Variants in R3HDM2 observed in about 807,000 individuals in gnomAD.
The protein encoded by R3HDM2 is R3H domain containing 2, also known as R3H domain-containing protein 2.
R3HDM2 carries 38 observed loss-of-function variants against 124.5 expected under a neutral mutation model. The ratio of observed to expected loss-of-function variants is 0.31; its 90% CI spans 0.24 to 0.40. R3HDM2 has a LOEUF of 0.40. Among genes scored for constraint, R3HDM2 ranks in the 10% least tolerant of loss-of-function variants. The pLI is 1.00. For missense variants in R3HDM2, 869 were observed against 1,236.9 expected, an observed-to-expected ratio of 0.70 and a Z score of 4.46; for synonymous variants, 391 against 448.0, an observed-to-expected ratio of 0.87 and a Z score of 1.61.
chr12:57,286,073 A>T (rs1029249979), intron 12 of R3HDM2, among the ~76,000 whole-genome samples: 1 of 152,160 alleles, frequency 6.6e-6, no homozygotes, highest in African/African-American at 2.4e-5. Context: ...AAATAAAAAT[A>T]ATTAGGGAAT....
chr12:57,298,278 A>G, intron 6 of R3HDM2, 110 bp from the exon 7 acceptor site: 3 of 817,100 alleles, frequency 3.7e-6, no homozygotes, highest in Non-Finnish European at 5.8e-6. Context: ...ATAGGAAAGC[A>G]AAATCAAACT....
chr12:57,364,692 C>G (rs112189565), intron 2 of R3HDM2, among the ~76,000 whole-genome samples: 1 of 150,736 alleles, frequency 6.6e-6, no homozygotes, highest in Non-Finnish European at 1.5e-5. Context: ...CAGTGGCTCA[C>G]GCCTGTAATC....
chr12:57,336,488 A>G (rs1372095876), intron 2 of R3HDM2, among the ~76,000 whole-genome samples: 1 of 152,202 alleles, frequency 6.6e-6, no homozygotes, highest in Non-Finnish European at 1.5e-5. Context: ...CAGCCATAAA[A>G]AAGAATGAGA....
chr12:57,269,356 C>T lies in R3HDM2; in HGVS notation c.1681G>A (p.Gly561Ser). ...TGGGATGGCTGAGGCAGCTGCTGAC[C>T]ACGTTGGGGGCTATAGGCCACCGGG... ...SHPVAYSPQR[G>S]QQLPQPSQQP... The change falls in exon 16 of 24, where the codon GGT (glycine) becomes AGT (serine). Residue 561 changes from glycine (G) to serine (S), a missense_variant. Physicochemically the swap from Gly to Ser is moderately conservative, Grantham distance 56 (BLOSUM62 0). Transcript: ENST00000402412. The T allele has an allele frequency of 6.2e-7, 1 of 1,614,062 alleles. No individual in the cohort carries two copies. The highest frequency in any genetic ancestry group is 1.1e-5 in the South Asian group (1 of 91,066).
Position 57,266,807 on chromosome 12 carries a change from G to A in R3HDM2, c.2055C>T (p.Pro685=). ...GTSPSVGFLQ[P]PGSEQYQMPQ... ...GCATCTGGTACTGCTCAGAGCCAGG[G>A]GGTTGCAGAAACCCTACAGAAGGGC... Residue 685 remains proline (P), a synonymous_variant, in exon 19 of 24, where the codon CCC becomes CCT. Coordinates refer to ENST00000402412, the MANE Select transcript of R3HDM2 (RefSeq NM_001394031.1). 6.2e-7 allele frequency: 1 copy of A among 1,608,924 alleles called. No homozygotes were observed.
intron 3 of R3HDM2, among the ~76,000 whole-genome samples, chr12:57,309,480 C>T (rs973598898): frequency 1.6e-4 from 24 of 152,254 alleles, no homozygotes; most frequent in Non-Finnish European, 2.4e-4. Flanking sequence ...TACTACAGTA[C>T]GAATTTGGAT....
At chr12:57,308,276 G>C (rs1039616126) in intron 3 of R3HDM2, among the ~76,000 whole-genome samples, 4 of 151,412 alleles carry the variant, frequency 2.6e-5, no homozygotes, top group African/African-American at 9.7e-5. Context: ...GGCCGATCTT[G>C]AACTCCCGAC....
intron 3 of R3HDM2, 127 bp downstream of exon 3, chr12:57,310,137 G>T: frequency 1.8e-6 from 1 of 571,310 alleles, no homozygotes; most frequent in Admixed American, 3.9e-5. Context: ...CTTGATGCAG[G>T]AGTTTGAGGG....
intron 14 of R3HDM2, among the ~76,000 whole-genome samples, chr12:57,279,906 A>T (rs1319983069): frequency 6.6e-6 from 1 of 152,036 alleles, no homozygotes. Context: ...AGGGGTCTTG[A>T]GTGTTATTTC....
At position 57,296,644 on chromosome 12, in the gene R3HDM2, AG is replaced by A; in HGVS notation, c.561-94del. On this transcript the variant is annotated intron_variant, in intron 8 of 23. Transcript: ENST00000402412. The surrounding 1 kb of genome is among the most constrained non-coding windows in gnomAD (Gnocchi z 4.5). Reference sequence around the variant, plus strand: ...TTTCTTACAAGTGTCTAAAGTGGAAAGTTTCTTAGGAGAAATAGACATATTA... The same window carrying A: ...TTTCTTACAAGTGTCTAAAGTGGAAATTTCTTAGGAGAAATAGACATATTA... 1 of 1,317,830 alleles carries A rather than the reference AG, an allele frequency of 7.6e-7. No individual in the cohort carries two copies. Among genetic ancestry groups the A allele is most frequent in the Non-Finnish European group, 1.0e-6 (1 of 961,034 alleles). 81.6% of individuals were successfully genotyped at this position (1,317,830 alleles called of 1,614,324 possible).
chr12:57,271,486 A>C (rs1200880817), intron 14 of R3HDM2, among the ~76,000 whole-genome samples: 2 of 152,118 alleles, frequency 1.3e-5, no homozygotes, highest in African/African-American at 4.8e-5. Flanking sequence ...CAGAAACCAA[A>C]AGACAATGCT....
chr12:57,394,981 G>A (rs994255141), intron 2 of R3HDM2, among the ~76,000 whole-genome samples: 10 of 147,800 alleles, frequency 6.8e-5, no homozygotes, highest in South Asian at 2.2e-4. Context: ...AGGCCAAGGC[G>A]GGTGGATCAC....
intron 2 of R3HDM2, among the ~76,000 whole-genome samples, chr12:57,319,622 TCTCTA>T (rs1474770966): frequency 6.6e-6 from 1 of 152,158 alleles, no homozygotes; most frequent in Non-Finnish European, 1.5e-5. Context: ...CTTATTTCCT[TCTCTA>T]AACATTCCCA....
chr12:57,430,497 A>ACCCCCC, intron 1 of R3HDM2: 1 of 381,596 alleles, frequency 2.6e-6, no homozygotes, highest in Non-Finnish European at 3.5e-6. Flanking sequence ...CTGCCCCCGC[A>ACCCCCC]CCGCCGCCCT....
intron 1 of R3HDM2, among the ~76,000 whole-genome samples, chr12:57,430,332 A>G (rs1869470688): frequency 6.6e-6 from 1 of 152,124 alleles, no homozygotes; most frequent in Non-Finnish European, 1.5e-5. Context: ...GCATGATTTT[A>G]AACACTTCTA....
intron 3 of R3HDM2, chr12:57,304,409 A>G (rs1401040687): frequency 1.4e-6 from 1 of 709,028 alleles, no homozygotes; most frequent in African/African-American, 1.9e-5. Flanking sequence ...TGGAACTCCA[A>G]TGGGGCGTAG....
chr12:57,319,684 AC>A (rs1215350562), intron 2 of R3HDM2, among the ~76,000 whole-genome samples: 2 of 152,130 alleles, frequency 1.3e-5, no homozygotes, highest in Non-Finnish European at 2.9e-5. Flanking sequence ...AAGTCTCCTT[AC>A]CATTTTCTTC....
chr12:57,430,639 G>A, intron 1 of R3HDM2, 81 bp downstream of exon 1: 1 of 970,610 alleles, frequency 1.0e-6, no homozygotes, highest in Non-Finnish European at 1.2e-6. Context: ...GGGCCTCCTC[G>A]CGCCCGCCCG....
chr12:57,360,010 T>TAA (rs1566327362), intron 2 of R3HDM2, among the ~76,000 whole-genome samples: 1 of 88,598 alleles, frequency 1.1e-5, no homozygotes, highest in Non-Finnish European at 2.4e-5. Context: ...TAAATAAATA[T>TAA]ATATATATAT....
Sources: allele counts gnomAD v4.1 joint callset (sites outside exome capture counted in the v4.1 genomes callset), GRCh38; gene constraint gnomAD v4.1.1; non-coding constraint Gnocchi (gnomAD v3.1); transcripts MANE v1.5; gene names NCBI Gene and HGNC (gene_info 2026-07-23, HGNC 2026-07-21).